The following SASH1 variants were observed in gnomAD, a reference collection of about 807,000 sequenced individuals.
The protein encoded by SASH1 is SAM and SH3 domain containing 1, also known as SAM and SH3 domain-containing protein 1.
In SASH1, 44 loss-of-function variants were observed where a neutral mutation model predicts 125.2. The observed-to-expected ratio is 0.35, with a 90% CI of 0.28 to 0.45. The LOEUF is 0.45. Among genes scored for constraint, SASH1 ranks in the 20% least tolerant of loss-of-function variants. SASH1 has a pLI of 1.00. For synonymous variants in SASH1, 639 were observed against 649.1 expected (o/e 0.98, Z 0.24); for missense variants, 1,426 against 1,614.5 (o/e 0.88, Z 2.00).
chr6:148,211,776 C>T, the SASH1 span, among the ~76,000 whole-genome samples: 9,308 of 152,208 alleles, frequency 0.061, 323 homozygotes, highest in Middle Eastern at 0.11. Context: ...CTGCATGATC[C>T]CCACAGCCAG....
At chr6:148,207,981 C>A in the SASH1 span, among the ~76,000 whole-genome samples, 1 of 152,208 alleles carries the variant, frequency 6.6e-6, no homozygotes, top group Non-Finnish European at 1.5e-5. Context: ...ACCATGACTG[C>A]ATTTAAGCAG....
chr6:148,272,112 T>G (rs372088401), upstream of SASH1, among the ~76,000 whole-genome samples: 21 of 152,288 alleles, frequency 1.4e-4, no homozygotes, highest in African/African-American at 4.3e-4. Flanking sequence ...AGTTATTGTG[T>G]TATATGTTAA....
At chr6:148,434,370 C>A (rs149087100) in intron 2 of SASH1, among the ~76,000 whole-genome samples, 1 of 152,066 alleles carries the variant, frequency 6.6e-6, no homozygotes, top group East Asian at 1.9e-4. Context: ...CCACCGTGCG[C>A]GGCCTGGAGA....
At chr6:148,400,991 TC>T (rs1338935884) in intron 2 of SASH1, among the ~76,000 whole-genome samples, 2 of 152,156 alleles carry the variant, frequency 1.3e-5, no homozygotes, top group South Asian at 2.1e-4. Flanking sequence ...ATGACTGTAA[TC>T]CCAGCACTTT....
Position 148,363,508 on chromosome 6 carries a change from T to G in SASH1, c.156+20285T>G, listed in dbSNP as rs372475302. On this transcript the variant is annotated intron_variant, in intron 1 of 19. Transcript: ENST00000367467. ...CCTGCACCTCCCAGATTCAAGCAAT[T>G]CTCTGCCTCAGCCTCCTGAGTAGCT... Among the ~76,000 whole-genome samples the G allele has an allele frequency of 5.3e-5, 8 of 152,038 alleles. No individual in the cohort carries two copies. The East Asian group carries it at 1.6e-3, about 29-fold the overall frequency.
rs574752204 is a variant in SASH1, at chr6:148,284,260, G to GAA, written n.74+11885_74+11886dup. The stretch of plus-strand genomic sequence containing the variant: ...TCGAGACCAGCCTAGCCAACATAGT[G>GAA]AAACCCCGTCTCTACTAAAAATACA... On this transcript the variant is annotated intron_variant and non_coding_transcript_variant, in intron 1 of 3. Coordinates refer to the SASH1 transcript ENST00000367469. 5.3e-5 allele frequency among the ~76,000 whole-genome samples: 8 copies of GAA among 152,252 alleles called. No individual in the cohort carries two copies. In the South Asian group the frequency reaches 1.5e-3, roughly 28 times the overall value.
rs938001356 is a variant in SASH1 at position 148,484,021 on chromosome 6, A to G, written c.628-3593A>G. ...GTGCCTGAGGGTTGTTAAAGAGTAC[A>G]TATTTCGGATGTCCTGGAGAATGTT... is the stretch of plus-strand genomic sequence containing the variant. On this transcript the variant is annotated intron_variant, in intron 7 of 19. Coordinates refer to ENST00000367467, the MANE Select transcript of SASH1 (RefSeq NM_015278.5). Among the ~76,000 whole-genome samples, 7 of 152,168 alleles carry G rather than the reference A, an allele frequency of 4.6e-5. No individual in the cohort carries two copies. In the South Asian group the frequency reaches 8.3e-4, roughly 18 times the overall value.
rs372300319 is a variant in SASH1 at position 148,427,610 on chromosome 6, C to G, written c.286-12574C>G. Among the ~76,000 whole-genome samples, 17 of 152,232 alleles carry G rather than the reference C, an allele frequency of 1.1e-4. No homozygotes were observed. The East Asian group carries it at 3.3e-3, about 29-fold the overall frequency. On this transcript the variant is annotated intron_variant, in intron 2 of 19. Coordinates refer to ENST00000367467, the MANE Select transcript of SASH1 (RefSeq NM_015278.5). ...AAACGATCTAGTACATAGTTTTAAA[C>G]AAAGACAGTTTAGACATTAAAGCAG...
At chr6:148,467,028 T>G (rs755939995) in intron 4 of SASH1, among the ~76,000 whole-genome samples, 9 of 151,586 alleles carry the variant, frequency 5.9e-5, no homozygotes, top group East Asian at 1.9e-4. Context: ...TGTATTTTCC[T>G]TCTGGGATTT....
the SASH1 span, among the ~76,000 whole-genome samples, chr6:148,226,110 C>T: frequency 7.9e-5 from 12 of 152,298 alleles, no homozygotes; most frequent in Non-Finnish European, 1.5e-4. Context: ...CAATTGATTG[C>T]AATGACTATT....
chr6:148,460,644 C>G (rs1450857515), intron 4 of SASH1, among the ~76,000 whole-genome samples: 1 of 152,104 alleles, frequency 6.6e-6, no homozygotes, highest in Non-Finnish European at 1.5e-5. Context: ...ATTTAGTAGA[C>G]AGTGTGCCAT....
intron 19 of SASH1, among the ~76,000 whole-genome samples, chr6:148,546,998 A>ATATAT (rs1384609822): frequency 1.3e-5 from 2 of 152,200 alleles, no homozygotes; most frequent in African/African-American, 2.4e-5. Flanking sequence ...CAAACCCTGT[A>ATATAT]TATATTATAC....
intron 2 of SASH1, among the ~76,000 whole-genome samples, chr6:148,413,912 T>G (rs1164671745): frequency 6.6e-6 from 1 of 151,282 alleles, no homozygotes; most frequent in Non-Finnish European, 1.5e-5. Flanking sequence ...AAAAAAAGAA[T>G]AAATATATGG....
At chr6:148,493,477 C>T (rs1243375359) in intron 8 of SASH1, among the ~76,000 whole-genome samples, 10 of 152,130 alleles carry the variant, frequency 6.6e-5, no homozygotes. Flanking sequence ...CTATCGATTC[C>T]TTTCTAGAAT....
At chr6:148,298,760 G>GAGAGAA (rs1434540579) in intron 1 of SASH1, among the ~76,000 whole-genome samples, 2 of 139,222 alleles carry the variant, frequency 1.4e-5, no homozygotes, top group African/African-American at 5.4e-5. Context: ...AGGAAGAAAA[G>GAGAGAA]AGAGAAAGAA....
At chr6:148,253,738 G>T in the SASH1 span, among the ~76,000 whole-genome samples, 1 of 152,112 alleles carries the variant, frequency 6.6e-6, no homozygotes, top group South Asian at 2.1e-4. Context: ...TGGGCATGGT[G>T]GCACGTGCCT....
At chr6:148,281,652 G>T (rs1409888117) in intron 1 of SASH1, among the ~76,000 whole-genome samples, 2 of 152,178 alleles carry the variant, frequency 1.3e-5, no homozygotes. Context: ...GCCGGGCGCG[G>T]TGGCTCACGC....
chr6:148,412,764 C>T (rs768166980), intron 2 of SASH1, among the ~76,000 whole-genome samples: 9 of 152,124 alleles, frequency 5.9e-5, no homozygotes, highest in Non-Finnish European at 1.2e-4. Context: ...ACCTCCACCA[C>T]TGGGGATCAC....
chr6:148,265,999 C>A, the SASH1 span, among the ~76,000 whole-genome samples: 2 of 150,522 alleles, frequency 1.3e-5, no homozygotes, highest in Non-Finnish European at 3.0e-5. Flanking sequence ...TGAGACAGAG[C>A]TTTGCTCTCG....
Sources: allele counts gnomAD v4.1 joint callset (sites outside exome capture counted in the v4.1 genomes callset), GRCh38; gene constraint gnomAD v4.1.1; transcripts MANE v1.5; gene names NCBI Gene and HGNC (gene_info 2026-07-23, HGNC 2026-07-21).